IL22RA1: variants seen among roughly 807,000 people sequenced by gnomAD.
IL22RA1 encodes the protein interleukin-22 receptor subunit alpha-1.
IL22RA1 carries 25 observed loss-of-function variants against 32.8 expected under a neutral mutation model. The ratio of observed to expected loss-of-function variants is 0.76; its 90% CI spans 0.55 to 1.06. The LOEUF (loss-of-function observed/expected upper bound fraction) is 1.06, where lower values mean the gene tolerates loss of function less well. IL22RA1 is among the 50% of genes least tolerant of loss of function. The pLI, the probability that IL22RA1 is intolerant of heterozygous loss-of-function variation, is 0.00. For missense variants in IL22RA1, 709 were observed against 727.4 expected, an observed-to-expected ratio of 0.97 and a Z score of 0.29; for synonymous variants, 305 against 305.0, an observed-to-expected ratio of 1.00 and a Z score of 0.00.
intron 3 of IL22RA1, among the ~76,000 whole-genome samples, chr1:24,136,528 C>T (rs115051268): frequency 0.029 from 4,411 of 152,036 alleles, 98 homozygotes; most frequent in Non-Finnish European, 0.046. Context: ...GAAGCTGAGC[C>T]GTGAGGACTA....
chr1:24,142,925 C>A, intron 1 of IL22RA1, 115 bp downstream of exon 1: 1 of 1,003,750 alleles, frequency 1.0e-6, no homozygotes, highest in Admixed American at 2.0e-5. Flanking sequence ...TCAGCCCTAG[C>A]AGGGGAGAAA....
chr1:24,138,126 G>T (rs1644255116), intron 2 of IL22RA1, among the ~76,000 whole-genome samples: 1 of 152,204 alleles, frequency 6.6e-6, no homozygotes, highest in African/African-American at 2.4e-5. Flanking sequence ...AGAGGAGCAG[G>T]AACAGGAGCG....
intron 4 of IL22RA1, among the ~76,000 whole-genome samples, chr1:24,128,526 T>C (rs1570904709): frequency 1.4e-5 from 1 of 73,184 alleles, no homozygotes; most frequent in African/African-American, 3.2e-5. Context: ...AATGTGGTTA[T>C]ATACATATAT....
Position 24,134,431 on chromosome 1 carries a change from G to A in IL22RA1, c.356-45C>T, listed in dbSNP as rs115539436. 1.8e-3 allele frequency: 2,613 copies of A among 1,414,554 alleles called. 60 individuals carry two copies. The African/African-American group carries it at 0.034, about 19-fold the overall frequency. 87.6% of individuals were successfully genotyped at this position (1,414,554 alleles called of 1,614,324 possible). A position where few individuals can be genotyped will look rare whatever the true frequency, so the allele number is the denominator to read the frequency against. ...AAAGAGAAAAGAAAAAGTCAGAATC[G>A]GTGGGTAGTGTCTGAGGCAACCTTG... is the stretch of plus-strand genomic sequence containing the variant. On this transcript the variant is annotated intron_variant, in intron 3 of 6. Transcript: ENST00000270800.
intron 5 of IL22RA1, among the ~76,000 whole-genome samples, chr1:24,127,636 T>C (rs919739388): frequency 6.6e-5 from 10 of 152,188 alleles, no homozygotes; most frequent in African/African-American, 2.4e-4. Flanking sequence ...CTAACCACTC[T>C]GAACCTCAGG....
rs1156255686 is a variant in IL22RA1 at position 24,128,252 on chromosome 1, CAT to C, written c.557_558del (p.Tyr186Ter). 6.2e-7 allele frequency: 1 copy of C among 1,613,012 alleles called. No individual in the cohort carries two copies. The highest frequency in any genetic ancestry group is 8.5e-7 in the Non-Finnish European group (1 of 1,179,556). ...GTGTCAGGGGTCAGGCCGAAGAACT[CAT>C]ATTCTCTCTGCTTCCCTCCAAGGTG... ...QMHLGGKQRE[Y>X]EFFGLTPDTE... On this transcript the variant is annotated frameshift_variant, in exon 5 of 7. Transcript: ENST00000270800. LOFTEE classifies it high-confidence loss of function.
chr1:24,121,793 C>T lies in IL22RA1; in HGVS notation c.793-56G>A, dbSNP rs541467216. The T allele has an allele frequency of 2.8e-5, 38 of 1,371,560 alleles. No individual in the cohort carries two copies. The South Asian group carries it at 5.4e-4, about 20-fold the overall frequency. The allele number at this position is 1,371,560 out of a possible 1,614,324, so 85.0% of individuals were successfully genotyped here. ...GTGGTTAGGGTAAGTCCCAAGCTCC[C>T]TACTGGTGATGTGGGTGGGTGAGGT... On this transcript the variant is annotated intron_variant, in intron 6 of 6. Coordinates refer to ENST00000270800, the MANE Select transcript of IL22RA1 (RefSeq NM_021258.4).
chr1:24,139,979 C>T (rs772338826), intron 1 of IL22RA1, among the ~76,000 whole-genome samples: 2 of 152,174 alleles, frequency 1.3e-5, no homozygotes, highest in African/African-American at 2.4e-5. Flanking sequence ...TGAGCCCACA[C>T]GTGGGCAGGG....
At chr1:24,134,767 A>G (rs1644231378) in intron 3 of IL22RA1, 1 of 828,730 alleles carries the variant, frequency 1.2e-6, no homozygotes, top group Non-Finnish European at 1.5e-6. Flanking sequence ...TGTCAATGAC[A>G]TCAACTACAC....
intron 4 of IL22RA1, among the ~76,000 whole-genome samples, 178 bp downstream of exon 4, chr1:24,134,033 A>T (rs953718617): frequency 1.3e-5 from 2 of 152,240 alleles, no homozygotes; most frequent in Non-Finnish European, 2.9e-5. Flanking sequence ...GTGAATCTAC[A>T]AGAGAAAAGT....
At chr1:24,124,534 T>A (rs1557626575) in intron 5 of IL22RA1, among the ~76,000 whole-genome samples, 3 of 152,106 alleles carry the variant, frequency 2.0e-5, no homozygotes, top group Admixed American at 2.0e-4. Flanking sequence ...TTGGTAAAAC[T>A]GACAGTTTGC....
In IL22RA1 at chr1:24,121,745, G is replaced by T. The variant is rs1436002401; in HGVS notation, c.793-8C>A. 3 of 1,493,692 alleles carry T rather than the reference G, an allele frequency of 2.0e-6. No homozygotes were observed. The highest frequency in any genetic ancestry group is 2.7e-6 in the Non-Finnish European group (3 of 1,116,072). 92.5% of individuals were successfully genotyped at this position (1,493,692 alleles called of 1,614,324 possible). ...CAGGACTCGCTGGACGTTCTGTGCAGGGACGACAACAGTCACCCCCCTGTG... is the reference window on the plus strand; with the variant it reads ...CAGGACTCGCTGGACGTTCTGTGCATGGACGACAACAGTCACCCCCCTGTG... On this transcript the variant is annotated splice_polypyrimidine_tract_variant and splice_region_variant and intron_variant, in intron 6 of 6. Coordinates refer to ENST00000270800, the MANE Select transcript of IL22RA1 (RefSeq NM_021258.4).
intron 2 of IL22RA1, among the ~76,000 whole-genome samples, chr1:24,138,333 C>G (rs945728755): frequency 3.3e-5 from 5 of 152,214 alleles, no homozygotes; most frequent in Non-Finnish European, 5.9e-5. Flanking sequence ...CGTGAGGTTA[C>G]CTGCCCAAGG....
At chr1:24,125,617 G>C (rs758244046) in intron 5 of IL22RA1, among the ~76,000 whole-genome samples, 3 of 152,138 alleles carry the variant, frequency 2.0e-5, no homozygotes, top group Non-Finnish European at 4.4e-5. Context: ...GTGGTGGGTA[G>C]AGCCCAGCCT....
intron 1 of IL22RA1, among the ~76,000 whole-genome samples, chr1:24,142,479 C>T (rs1268371897): frequency 6.6e-6 from 1 of 152,188 alleles, no homozygotes; most frequent in Non-Finnish European, 1.5e-5. Flanking sequence ...CAAATGAGTC[C>T]TGTGTCTTAA....
intron 4 of IL22RA1, among the ~76,000 whole-genome samples, chr1:24,131,671 G>A (rs1644205446): frequency 1.3e-5 from 2 of 152,202 alleles, no homozygotes; most frequent in South Asian, 4.1e-4. Context: ...TATAGTTGGA[G>A]AGTTTACTAT....
At chr1:24,130,170 C>T (rs1007295284) in intron 4 of IL22RA1, among the ~76,000 whole-genome samples, 3 of 152,080 alleles carry the variant, frequency 2.0e-5, no homozygotes, top group Non-Finnish European at 4.4e-5. Flanking sequence ...GGAGAAATGT[C>T]GATGGGTACA....
chr1:24,134,355 G>A lies in IL22RA1; in HGVS notation c.387C>T (p.Ile129=), dbSNP rs375443785. The A allele has an allele frequency of 2.5e-6, 4 of 1,570,328 alleles. No individual in the cohort carries two copies. The highest frequency in any genetic ancestry group is 2.7e-5 in the African/African-American group (2 of 72,732). Residue 129 remains isoleucine (I), a synonymous_variant, in exon 4 of 7, where the codon ATC becomes ATT. Coordinates refer to ENST00000270800, the MANE Select transcript of IL22RA1 (RefSeq NM_021258.4). ...TCATCTGAATCGATCTCACTTTGGA[G>A]ATACAGGTCACATCAGGTGGCTTGA... ...TTLKPPDVTC[I]SKVRSIQMIV...
Position 24,121,598 on chromosome 1 carries a change from T to G in IL22RA1, c.932A>C (p.Glu311Ala). 1 of 1,612,774 alleles carries G rather than the reference T, an allele frequency of 6.2e-7. No individual in the cohort carries two copies. The highest frequency in any genetic ancestry group is 8.5e-7 in the Non-Finnish European group (1 of 1,179,120). The change falls in exon 7 of 7, where the codon GAG (glutamate) becomes GCG (alanine). Residue 311 changes from glutamate (E) to alanine (A), a missense_variant. By Grantham distance (107) the Glu-to-Ala change is moderately radical. Coordinates refer to ENST00000270800, the MANE Select transcript of IL22RA1 (RefSeq NM_021258.4). Reference sequence around the variant, plus strand: ...ATGCCGCTGTGGAGCTCCTGCGGGCTCCCTGGGTCCAGACACCCTGATCTG... The same window carrying G: ...ATGCCGCTGTGGAGCTCCTGCGGGCGCCCTGGGTCCAGACACCCTGATCTG... ...YSQIRVSGPR[E>A]PAGAPQRHSL... is the part of the protein sequence containing the mutation.
Sources: gnomAD v4.1 joint callset for allele counts (sites outside exome capture counted in the v4.1 genomes callset) on GRCh38, gnomAD v4.1.1 for gene constraint, MANE v1.5 for transcripts, NCBI Gene and HGNC (gene_info 2026-07-23, HGNC 2026-07-21) for gene names.